Variants in CLIP1 observed in about 807,000 individuals in gnomAD.
CLIP1 encodes the protein CAP-Gly domain containing linker protein 1, also known as CAP-Gly domain-containing linker protein 1.
CLIP1 carries 66 observed loss-of-function variants against 161.6 expected under a neutral mutation model. That is an observed-to-expected ratio of 0.41 (90% confidence interval 0.33 to 0.50). The LOEUF (loss-of-function observed/expected upper bound fraction) is 0.50, where lower values mean the gene tolerates loss of function less well. CLIP1 is among the 20% of genes least tolerant of loss of function. The pLI is 0.27. For missense variants in CLIP1, 1,376 were observed against 1,702.0 expected (o/e 0.81, Z 3.37); for synonymous variants, 598 against 626.2 (o/e 0.96, Z 0.67).
intron 1 of CLIP1, among the ~76,000 whole-genome samples, chr12:122,394,216 G>T (rs937594942): frequency 6.6e-6 from 1 of 152,112 alleles, no homozygotes; most frequent in Non-Finnish European, 1.5e-5. Context: ...GGGGCCGGGC[G>T]TGGTGGCTCA....
chr12:122,287,926 A>G (rs777965562), intron 21 of CLIP1, among the ~76,000 whole-genome samples: 5 of 152,354 alleles, frequency 3.3e-5, no homozygotes, highest in Non-Finnish European at 7.3e-5. Context: ...ACAGTGGTGT[A>G]ACATGAGACA....
intron 1 of CLIP1, among the ~76,000 whole-genome samples, chr12:122,404,684 C>T (rs1956259261): frequency 1.2e-5 from 1 of 80,868 alleles, no homozygotes; most frequent in Non-Finnish European, 2.7e-5. Context: ...ATCACGAGGT[C>T]GGATCCATCA....
In CLIP1 at chr12:122,323,806, A is replaced by C. The variant is rs1951607961; in HGVS notation, c.3249+4141T>G. The C allele has an allele frequency of 6.6e-6, 1 of 152,624 alleles. No homozygotes were observed. The highest frequency in any genetic ancestry group is 1.5e-5 in the Non-Finnish European group (1 of 68,034). The allele number at this position is 152,624 out of a possible 1,614,324, so 9.5% of individuals were successfully genotyped here. A position where few individuals can be genotyped will look rare whatever the true frequency, so the allele number is the denominator to read the frequency against. ...CTTTCTGATCTTTGACTAGCTCCTC[A>C]TAAGACCTTTGAAGCTTCTGAATGA... On this transcript the variant is annotated intron_variant, in intron 17 of 25. Coordinates refer to ENST00000620786, the MANE Select transcript of CLIP1 (RefSeq NM_001247997.2). The surrounding 1 kb of genome is among the most constrained non-coding windows in gnomAD (Gnocchi z 4.1).
intron 2 of CLIP1, 68 bp downstream of exon 2, chr12:122,380,300 G>T: frequency 1.7e-5 from 16 of 953,858 alleles, no homozygotes; most frequent in Non-Finnish European, 2.2e-5. Flanking sequence ...ATAAAATAAT[G>T]TTTTAAAATT....
At chr12:122,288,808 CTTTTTTTT>C (rs200069106) in intron 20 of CLIP1, among the ~76,000 whole-genome samples, 1 of 114,452 alleles carries the variant, frequency 8.7e-6, no homozygotes, top group Non-Finnish European at 1.7e-5. Flanking sequence ...CGAAGCACAT[CTTTTTTTT>C]TTTTTTTTTT....
In CLIP1 at chr12:122,344,302, T is replaced by C. The variant is rs1307797344; in HGVS notation, c.1507-2605A>G. On this transcript the variant is annotated intron_variant, in intron 10 of 25. Transcript: ENST00000620786. ...CTATAATTGCTGTGCTTCGTGGTTATAGACTCATCAGGTTAAAGATGTTAA... is the reference window on the plus strand; with the variant it reads ...CTATAATTGCTGTGCTTCGTGGTTACAGACTCATCAGGTTAAAGATGTTAA... Among the ~76,000 whole-genome samples, 3 of 152,348 alleles carry C rather than the reference T, an allele frequency of 2.0e-5. No homozygotes were observed. The South Asian group carries it at 6.2e-4, about 32-fold the overall frequency.
rs543399003 is a variant in CLIP1, at chr12:122,279,001, G to C, written c.3765+27C>G. ...TTGAACGAAAGGAGGCCGCGTGAAA[G>C]CTCGTGCACCCTGGGTGGTACTCTA... is the stretch of plus-strand genomic sequence containing the variant. On this transcript the variant is annotated intron_variant, in intron 22 of 25. Coordinates refer to ENST00000620786, the MANE Select transcript of CLIP1 (RefSeq NM_001247997.2). This position sits in a 1 kb window ranked among gnomAD's most constrained non-coding sequence, Gnocchi z 4.5. The C allele has an allele frequency of 2.5e-6, 4 of 1,606,188 alleles. No individual in the cohort carries two copies. The highest frequency in any genetic ancestry group is 8.5e-7 in the Non-Finnish European group (1 of 1,177,416).
chr12:122,288,839 G>A (rs1249208648), intron 20 of CLIP1, among the ~76,000 whole-genome samples: 4 of 132,158 alleles, frequency 3.0e-5, no homozygotes, highest in Admixed American at 7.9e-5. Context: ...TTTTTGAGAC[G>A]GAGTGTCGCT....
intron 3 of CLIP1, among the ~76,000 whole-genome samples, chr12:122,370,506 C>T (rs907613674): frequency 6.6e-6 from 1 of 152,154 alleles, no homozygotes; most frequent in African/African-American, 2.4e-5. Context: ...GCTAAATAAA[C>T]AGTCCCAGTT....
rs113444750 is a variant in CLIP1, at chr12:122,397,964, C to CAA, written c.-106-17408_-106-17407dup. Among the ~76,000 whole-genome samples, 222 of 145,510 alleles carry CAA rather than the reference C, an allele frequency of 1.5e-3. 2 individuals carry two copies. The highest frequency in any genetic ancestry group is 7.1e-3 in the Middle Eastern group (2 of 282). ...AGTGAGACGCCGTCTCAAAAAAAAA[C>CAA]AAAAAAAAAAGAAAATTAACTTATC... On this transcript the variant is annotated intron_variant, in intron 1 of 25. Coordinates refer to ENST00000620786, the MANE Select transcript of CLIP1 (RefSeq NM_001247997.2).
chr12:122,358,842 C>T (rs1165460223), intron 5 of CLIP1, among the ~76,000 whole-genome samples: 1 of 152,176 alleles, frequency 6.6e-6, no homozygotes, highest in East Asian at 1.9e-4. Context: ...GGGCAGATCA[C>T]CTGAGGTCAG....
At chr12:122,369,057 C>T (rs1191563715) in intron 3 of CLIP1, among the ~76,000 whole-genome samples, 2 of 150,814 alleles carry the variant, frequency 1.3e-5, no homozygotes, top group African/African-American at 4.9e-5. Context: ...TTCGCTCTGT[C>T]GTCCAGGCTG....
rs1320593798 is a variant in CLIP1, at chr12:122,355,126, C to T, written c.1192G>A (p.Gly398Arg). Residue 398 changes from glycine to arginine, a missense_variant, in exon 6 of 26, where the codon GGA becomes AGA. Physicochemically the swap from Gly to Arg is moderately radical, Grantham distance 125. Coordinates refer to ENST00000620786, the MANE Select transcript of CLIP1 (RefSeq NM_001247997.2). This position sits in a 1 kb window ranked among gnomAD's most constrained non-coding sequence, Gnocchi z 4.1. ...IEQELALARD[G>R]HDQHVLELEA... ...GGTCCAGACTTCACCTGGTCATGTC[C>T]GTCCCGGGCCAGAGCTAGCTCCTGC... 1.1e-5 allele frequency: 18 copies of T among 1,613,924 alleles called. No homozygotes were observed. In the Middle Eastern group the frequency reaches 1.3e-3, roughly 118 times the overall value.
chr12:122,315,426 TCTACACCGTAA>T (rs924116024), intron 19 of CLIP1, among the ~76,000 whole-genome samples: 1 of 152,058 alleles, frequency 6.6e-6, no homozygotes, highest in Non-Finnish European at 1.5e-5. Flanking sequence ...CCAAATGAAA[TCTACACCGTAA>T]CTATCCTTTA....
chr12:122,379,352 G>A (rs142053344), intron 2 of CLIP1, among the ~76,000 whole-genome samples: 1,668 of 146,762 alleles, frequency 0.011, 36 homozygotes, highest in African/African-American at 0.04. Context: ...GGTGGCTCAT[G>A]CCTGTAATCC....
chr12:122,302,475 A>ATT (rs1283098029), intron 20 of CLIP1, among the ~76,000 whole-genome samples: 5 of 151,930 alleles, frequency 3.3e-5, no homozygotes, highest in African/African-American at 7.3e-5. Flanking sequence ...TTTTGGACCA[A>ATT]TTTTTCCCAA....
At chr12:122,320,845 A>G (rs543758632) in intron 17 of CLIP1, among the ~76,000 whole-genome samples, 2 of 149,110 alleles carry the variant, frequency 1.3e-5, no homozygotes, top group East Asian at 2.1e-4. Flanking sequence ...GAGTAGCTGG[A>G]ACTACAGGCC....
chr12:122,305,527 G>C (rs1356609390), intron 20 of CLIP1, among the ~76,000 whole-genome samples: 3 of 152,208 alleles, frequency 2.0e-5, no homozygotes, highest in African/African-American at 4.8e-5. Context: ...GCCACACAAA[G>C]AGCAAATGCC....
chr12:122,311,809 T>C lies in CLIP1; in HGVS notation c.3474-1927A>G, dbSNP rs959388329. On this transcript the variant is annotated intron_variant, in intron 19 of 25. Transcript: ENST00000620786. The surrounding 1 kb of genome is among the most constrained non-coding windows in gnomAD (Gnocchi z 4.3). ...AGCCCAAGGAGGCTCATGTCATTTA[T>C]GTTTTAATGAGAAGACTGAAGCTCC... 6.6e-6 allele frequency among the ~76,000 whole-genome samples: 1 copy of C among 152,232 alleles called. No homozygotes were observed. The highest frequency in any genetic ancestry group is 6.5e-5 in the Admixed American group (1 of 15,276).
Sources: gnomAD v4.1 joint callset for allele counts (sites outside exome capture counted in the v4.1 genomes callset) on GRCh38, gnomAD v4.1.1 for gene constraint, Gnocchi (gnomAD v3.1) non-coding constraint, MANE v1.5 for transcripts, NCBI Gene and HGNC (gene_info 2026-07-23, HGNC 2026-07-21) for gene names.